The following SFXN3 variants were observed in gnomAD, a reference collection of about 807,000 sequenced individuals.
SFXN3 encodes the protein sideroflexin 3, also known as sideroflexin-3.
In SFXN3, 31 loss-of-function variants were observed where a neutral mutation model predicts 40.4. The observed-to-expected ratio is 0.77, with a 90% CI of 0.58 to 1.04. SFXN3 has a LOEUF of 1.04. SFXN3 is among the 50% of genes least tolerant of loss of function. SFXN3 has a pLI of 0.00. For missense variants in SFXN3, 366 were observed against 408.2 expected, an observed-to-expected ratio of 0.90 and a Z score of 0.89; for synonymous variants, 157 against 160.0, an observed-to-expected ratio of 0.98 and a Z score of 0.14.
rs528728703 is a variant in SFXN3, at chr10:101,038,626, T to G, written c.772-17T>G. 14 of 1,613,790 alleles carry G rather than the reference T, an allele frequency of 8.7e-6. No individual in the cohort carries two copies. In the Admixed American group the frequency reaches 1.7e-4, roughly 19 times the overall value. The stretch of plus-strand genomic sequence containing the variant: ...AGGGGACACAAGCCGTTCCATTGTC[T>G]TTCTGTCTCTCCACAGCGCCGCCCC... On this transcript the variant is annotated splice_polypyrimidine_tract_variant and intron_variant, in intron 9 of 11. Coordinates refer to ENST00000393459, the Ensembl canonical transcript of SFXN3.
At chr10:101,033,672 G>A (rs1012741823) in intron 2 of SFXN3, among the ~76,000 whole-genome samples, 1 of 152,144 alleles carries the variant, frequency 6.6e-6, no homozygotes, top group African/African-American at 2.4e-5. Context: ...GCATACCAAG[G>A]ATCTGCACCG....
In SFXN3 at chr10:101,036,683, A is replaced by T. The variant is rs773010433; in HGVS notation, c.508-40A>T. The T allele has an allele frequency of 1.9e-6, 3 of 1,604,854 alleles. No individual in the cohort carries two copies. The highest frequency in any genetic ancestry group is 1.3e-5 in the African/African-American group (1 of 74,684). On this transcript the variant is annotated intron_variant, in intron 6 of 11. Coordinates refer to ENST00000393459, the Ensembl canonical transcript of SFXN3. This position sits in a 1 kb window ranked among gnomAD's most constrained non-coding sequence, Gnocchi z 4.2. Reference sequence around the variant, plus strand: ...TCTCCCCAGAGTCCCTCACCACCCCATGGCCCTTAGGGCCACTGAACAACA... The same window carrying T: ...TCTCCCCAGAGTCCCTCACCACCCCTTGGCCCTTAGGGCCACTGAACAACA...
chr10:101,039,486 C>T lies in SFXN3; in HGVS notation c.870-3C>T. On this transcript the variant is annotated splice_region_variant and splice_polypyrimidine_tract_variant and intron_variant, in intron 11 of 11. Transcript: ENST00000393459. This position sits in a 1 kb window ranked among gnomAD's most constrained non-coding sequence, Gnocchi z 4.6. Reference sequence around the variant, plus strand: ...TTAACTGGCCTGTGCTGTTCTATTGCAGCTCCATACACATAAGCAACCTGG... The same window carrying T: ...TTAACTGGCCTGTGCTGTTCTATTGTAGCTCCATACACATAAGCAACCTGG... 1 of 1,613,754 alleles carries T rather than the reference C, an allele frequency of 6.2e-7. No individual in the cohort carries two copies. The highest frequency in any genetic ancestry group is 8.5e-7 in the Non-Finnish European group (1 of 1,179,680).
intron 9 of SFXN3, chr10:101,038,173 C>A: frequency 1.5e-6 from 1 of 650,944 alleles, no homozygotes; most frequent in Non-Finnish European, 2.0e-6. Context: ...ACAGTCAGTG[C>A]AAGGGCACTG....
rs2134206426 is a variant in SFXN3, at chr10:101,036,931, T to C, written c.593+123T>C. ...CAGACATGAGCTGCTGGGCCCTGGC[T>C]CAGTCTGACCCTGGGATCCTCAGGT... On this transcript the variant is annotated intron_variant, in intron 7 of 11. Transcript: ENST00000393459. The surrounding 1 kb of genome is among the most constrained non-coding windows in gnomAD (Gnocchi z 4.2). 1.3e-6 allele frequency: 2 copies of C among 1,521,142 alleles called. No homozygotes were observed. Among genetic ancestry groups the C allele is most frequent in the East Asian group, 4.7e-5 (2 of 42,414 alleles). The allele number at this position is 1,521,142 out of a possible 1,614,324, so 94.2% of individuals were successfully genotyped here.
In SFXN3 at chr10:101,036,740, C is replaced by G; in HGVS notation, c.525C>G (p.Val175=). The G allele has an allele frequency of 1.9e-6, 3 of 1,611,826 alleles. No homozygotes were observed. Among genetic ancestry groups the G allele is most frequent in the East Asian group, 2.2e-5 (1 of 44,786 alleles). The change falls in exon 7 of 12, where the codon GTC becomes GTG. Residue 175 remains valine (V), a synonymous_variant. Transcript: ENST00000393459. The surrounding 1 kb of genome is among the most constrained non-coding windows in gnomAD (Gnocchi z 4.2). ...CTCCCCAGCACCTGCCCCCCTTGGT[C>G]GGCAGATTTGTGCCCTTTGCAGCAG... is the stretch of plus-strand genomic sequence containing the variant.
chr10:101,032,664 T>C (rs1206982084), intron 2 of SFXN3, among the ~76,000 whole-genome samples, 182 bp downstream of exon 2: 2 of 152,060 alleles, frequency 1.3e-5, no homozygotes, highest in Non-Finnish European at 1.5e-5. Flanking sequence ...AGTCACACAT[T>C]CAAGTGTCTG....
chr10:101,039,452 C>T lies in SFXN3; in HGVS notation c.870-37C>T. ...CCCTGGGCCTGAGTGGGGTTGGATTCAGGGGACGTTAACTGGCCTGTGCTG... is the reference window on the plus strand; with the variant it reads ...CCCTGGGCCTGAGTGGGGTTGGATTTAGGGGACGTTAACTGGCCTGTGCTG... On this transcript the variant is annotated intron_variant, in intron 11 of 11. Coordinates refer to ENST00000393459, the Ensembl canonical transcript of SFXN3. The surrounding 1 kb of genome is among the most constrained non-coding windows in gnomAD (Gnocchi z 4.6). The T allele has an allele frequency of 1.9e-6, 3 of 1,589,418 alleles. No individual in the cohort carries two copies. The highest frequency in any genetic ancestry group is 2.6e-6 in the Non-Finnish European group (3 of 1,157,800).
At chr10:101,032,035 C>A in intron 1 of SFXN3, 1 of 180,992 alleles carries the variant, frequency 5.5e-6, no homozygotes, top group Non-Finnish European at 1.1e-5. Context: ...CCTCCCGGCG[C>A]GCCAGCAGAG....
At chr10:101,032,034 G>A (rs1171725463) in intron 1 of SFXN3, 3 of 180,264 alleles carry the variant, frequency 1.7e-5, no homozygotes, top group Non-Finnish European at 3.5e-5. Context: ...CCCTCCCGGC[G>A]CGCCAGCAGA....
intron 2 of SFXN3, among the ~76,000 whole-genome samples, chr10:101,032,870 G>A (rs760130872): frequency 6.6e-6 from 1 of 152,186 alleles, no homozygotes; most frequent in Non-Finnish European, 1.5e-5. Context: ...GTAGGATTCT[G>A]CCCAACTCAG....
chr10:101,039,096 C>T lies in SFXN3; in HGVS notation c.822-79C>T. ...AATCTCCACCCCTAGGGCCTATCTC[C>T]AAGGATGGGGTGGGGTGCAGGGAGG... On this transcript the variant is annotated intron_variant, in intron 10 of 11. Transcript: ENST00000393459. This position sits in a 1 kb window ranked among gnomAD's most constrained non-coding sequence, Gnocchi z 4.6. 7.8e-7 allele frequency: 1 copy of T among 1,289,662 alleles called. No homozygotes were observed. The highest frequency in any genetic ancestry group is 1.1e-6 in the Non-Finnish European group (1 of 888,902). 79.9% of individuals were successfully genotyped at this position (1,289,662 alleles called of 1,614,324 possible). A position where few individuals can be genotyped will look rare whatever the true frequency, so the allele number is the denominator to read the frequency against.
At position 101,039,633 on chromosome 10, in the gene SFXN3, T is replaced by C; in HGVS notation, c.*48T>C. On this transcript the variant is annotated 3_prime_UTR_variant, in exon 12 of 12. Transcript: ENST00000393459. The surrounding 1 kb of genome is among the most constrained non-coding windows in gnomAD (Gnocchi z 4.6). ...CCCTCACTTCCTTGGGCTGCTGCTT[T>C]AGTGGAGTCATGTCACCCCTACCAC... 1 of 1,563,420 alleles carries C rather than the reference T, an allele frequency of 6.4e-7. No homozygotes were observed. The highest frequency in any genetic ancestry group is 8.8e-7 in the Non-Finnish European group (1 of 1,134,002).
Position 101,039,685 on chromosome 10 carries a change from G to GGGC in SFXN3, c.*101_*103dup. On this transcript the variant is annotated 3_prime_UTR_variant, in exon 12 of 12. Transcript: ENST00000393459. This position sits in a 1 kb window ranked among gnomAD's most constrained non-coding sequence, Gnocchi z 4.6. ...TGGCTATCTGCCTAGCACTGGGCAGGGGCCTTGGTGGGCAGATGGCAATTG... is the reference window on the plus strand; with the variant it reads ...TGGCTATCTGCCTAGCACTGGGCAGGGGCGGCCTTGGTGGGCAGATGGCAATTG... 1 of 1,138,324 alleles carries GGGC rather than the reference G, an allele frequency of 8.8e-7. No individual in the cohort carries two copies. The highest frequency in any genetic ancestry group is 1.3e-5 in the South Asian group (1 of 78,796). 70.5% of individuals were successfully genotyped at this position (1,138,324 alleles called of 1,614,324 possible).
At chr10:101,038,810 G>A in intron 10 of SFXN3, 118 bp downstream of exon 10, 2 of 1,493,224 alleles carry the variant, frequency 1.3e-6, no homozygotes, top group South Asian at 1.2e-5. Context: ...CATTCAGTGG[G>A]TGTGTGTTTG....
At position 101,039,017 on chromosome 10, in the gene SFXN3, A is replaced by C. The variant is rs1938763091; in HGVS notation, c.822-158A>C. Among the ~76,000 whole-genome samples the C allele has an allele frequency of 6.6e-6, 1 of 151,958 alleles. No homozygotes were observed. The highest frequency in any genetic ancestry group is 6.5e-5 in the Admixed American group (1 of 15,270). On this transcript the variant is annotated intron_variant, in intron 10 of 11. Coordinates refer to ENST00000393459, the Ensembl canonical transcript of SFXN3. The surrounding 1 kb of genome is among the most constrained non-coding windows in gnomAD (Gnocchi z 4.6). ...GGTTGTGGGGCTCTCTTTCCTCAGA[A>C]CCTGATGTCCAGGTTGGGTTTACTA...
At chr10:101,038,802 T>C (rs1338328198) in intron 10 of SFXN3, 110 bp downstream of exon 10, 1 of 1,523,450 alleles carries the variant, frequency 6.6e-7, no homozygotes, top group East Asian at 2.3e-5. Context: ...CATTCATACA[T>C]TCAGTGGGTG....
At chr10:101,034,662 C>T (rs761579124) in intron 2 of SFXN3, 30 bp from the exon 3 acceptor site, 1 of 1,610,156 alleles carries the variant, frequency 6.2e-7, no homozygotes, top group Admixed American at 1.7e-5. Flanking sequence ...CCCTTGGACT[C>T]CCGCTCTGAC....
rs926398820 is a variant in SFXN3, at chr10:101,037,305, AG to A, written c.722-71del. 9.3e-6 allele frequency: 15 copies of A among 1,613,836 alleles called. No individual in the cohort carries two copies. The African/African-American group carries it at 1.1e-4, about 11-fold the overall frequency. On this transcript the variant is annotated intron_variant, in intron 8 of 11. Coordinates refer to ENST00000393459, the Ensembl canonical transcript of SFXN3. ...TCTGGGGAGAGAGGGAGGAGCTTTGAGGGGGGTCACCCTTCACAGTTCCTGA... is the reference window on the plus strand; with the variant it reads ...TCTGGGGAGAGAGGGAGGAGCTTTGAGGGGGTCACCCTTCACAGTTCCTGA...
Sources: gnomAD v4.1 joint callset for allele counts (sites outside exome capture counted in the v4.1 genomes callset) on GRCh38, gnomAD v4.1.1 for gene constraint, Gnocchi (gnomAD v3.1) non-coding constraint, MANE v1.5 for transcripts, NCBI Gene and HGNC (gene_info 2026-07-23, HGNC 2026-07-21) for gene names.